ARID4B: variants seen among roughly 807,000 people sequenced by gnomAD.
ARID4B encodes AT-rich interaction domain 4B.
In ARID4B, 26 loss-of-function variants were observed where a neutral mutation model predicts 147.5. That is an observed-to-expected ratio of 0.18 (90% CI 0.13 to 0.24). The LOEUF is 0.24. ARID4B is among the 10% of genes least tolerant of loss of function. ARID4B has a pLI of 1.00. For synonymous variants in ARID4B, 512 were observed against 507.9 expected (o/e 1.01, Z -0.11); for missense variants, 1,179 against 1,511.5 (o/e 0.78, Z 3.65).
Position 235,321,473 on chromosome 1 carries a change from T to C in ARID4B, c.6+5441A>G, listed in dbSNP as rs113051218. On this transcript the variant is annotated intron_variant, in intron 2 of 23. Coordinates refer to ENST00000264183, the MANE Select transcript of ARID4B (RefSeq NM_016374.6). The stretch of plus-strand genomic sequence containing the variant: ...TAATTTCCTAAGAAAAAAACCTCCA[T>C]CTTCTTCCTACCCCAGGATGAGTTA... 5.5e-3 allele frequency among the ~76,000 whole-genome samples: 836 copies of C among 152,104 alleles called. 12 individuals carry two copies. The highest frequency in any genetic ancestry group is 0.019 in the African/African-American group (800 of 41,524).
chr1:235,271,968 A>AAAT (rs10666218), intron 2 of ARID4B, among the ~76,000 whole-genome samples: 15 of 150,368 alleles, frequency 1.0e-4, no homozygotes, highest in African/African-American at 1.7e-4. Flanking sequence ...TAATAATAAT[A>AAAT]AATAATAATA....
At chr1:235,243,784 G>C (rs1669134569) in intron 7 of ARID4B, among the ~76,000 whole-genome samples, 1 of 152,106 alleles carries the variant, frequency 6.6e-6, no homozygotes, top group Non-Finnish European at 1.5e-5. Context: ...TGTTCTATTA[G>C]TATCTGGAAG....
At chr1:235,206,064 C>A (rs553485541) in intron 17 of ARID4B, among the ~76,000 whole-genome samples, 6 of 152,260 alleles carry the variant, frequency 3.9e-5, no homozygotes, top group Admixed American at 3.3e-4. Flanking sequence ...CTTTAAAAAA[C>A]CAGTGGCTTT....
At chr1:235,217,308 C>G (rs1364484545) in intron 16 of ARID4B, among the ~76,000 whole-genome samples, 1 of 152,014 alleles carries the variant, frequency 6.6e-6, no homozygotes, top group Non-Finnish European at 1.5e-5. Flanking sequence ...TGTGCTAAAC[C>G]AGATGGAACA....
intron 1 of ARID4B, chr1:235,327,510 G>A (rs1675396543): frequency 1.3e-5 from 2 of 152,224 alleles, no homozygotes; most frequent in African/African-American, 2.4e-5. Context: ...TGAGGGCCGA[G>A]GGCCCCGGAG....
intron 2 of ARID4B, among the ~76,000 whole-genome samples, chr1:235,273,294 T>C (rs1671107608): frequency 6.6e-6 from 1 of 152,294 alleles, no homozygotes; most frequent in South Asian, 2.1e-4. Flanking sequence ...TCCGCCAGCC[T>C]TGGCCTCCCA....
chr1:235,308,918 G>A (rs547141187), intron 2 of ARID4B, among the ~76,000 whole-genome samples: 11 of 152,016 alleles, frequency 7.2e-5, no homozygotes, highest in South Asian at 2.1e-4. Flanking sequence ...AGTGAGGAGC[G>A]TCTCTGCCTG....
chr1:235,301,713 CTAAT>C (rs1402815968), intron 2 of ARID4B, among the ~76,000 whole-genome samples: 3 of 146,656 alleles, frequency 2.0e-5, no homozygotes, highest in Admixed American at 6.8e-5. Flanking sequence ...CCTTGCCTAA[CTAAT>C]TCTTTTTTTT....
Position 235,264,569 on chromosome 1 carries a change from CCTCT to C in ARID4B, c.7-3821_7-3818del, listed in dbSNP as rs376320344. 9.2e-5 allele frequency among the ~76,000 whole-genome samples: 14 copies of C among 152,288 alleles called. No individual in the cohort carries two copies. The East Asian group carries it at 1.7e-3, about 19-fold the overall frequency. The stretch of plus-strand genomic sequence containing the variant: ...TTTTTGTAGGCTACTGAACCTCTCA[CCTCT>C]CTAAGCTTCAGCTGCCACATCAAAA... On this transcript the variant is annotated intron_variant, in intron 2 of 23. Transcript: ENST00000264183.
intron 17 of ARID4B, among the ~76,000 whole-genome samples, chr1:235,210,044 A>T (rs1482519211): frequency 6.6e-6 from 1 of 152,064 alleles, no homozygotes; most frequent in South Asian, 2.1e-4. Flanking sequence ...CTTGGGCAAC[A>T]TAGTGAGACC....
intron 5 of ARID4B, 56 bp from the exon 6 acceptor site, chr1:235,252,865 G>A: frequency 7.0e-7 from 1 of 1,431,914 alleles, no homozygotes; most frequent in South Asian, 1.2e-5. Flanking sequence ...AGATCAAAGA[G>A]ATGACATGTA....
intron 19 of ARID4B, among the ~76,000 whole-genome samples, chr1:235,184,661 T>C (rs747346207): frequency 2.0e-5 from 3 of 152,232 alleles, no homozygotes; most frequent in Non-Finnish European, 4.4e-5. Context: ...CCACATTTTT[T>C]AAATTATCAA....
rs193008642 is a variant in ARID4B, at chr1:235,252,661, A to C, written c.354+69T>G. On this transcript the variant is annotated intron_variant, in intron 6 of 23. Transcript: ENST00000264183. ...ATTAGGAAGTAGGTTTACTGAGTTG[A>C]GAAAGCAAAAATTTATTCCTCCCAA... 818 of 1,430,758 alleles carry C rather than the reference A, an allele frequency of 5.7e-4. 7 individuals carry two copies. The highest frequency in any genetic ancestry group is 7.8e-5 in the Non-Finnish European group (80 of 1,030,570). 88.6% of individuals were successfully genotyped at this position (1,430,758 alleles called of 1,614,324 possible).
intron 17 of ARID4B, among the ~76,000 whole-genome samples, chr1:235,203,764 T>C (rs1369727284): frequency 6.6e-6 from 1 of 152,068 alleles, no homozygotes; most frequent in African/African-American, 2.4e-5. Context: ...TTTCCCCACC[T>C]GAATTAAATA....
At chr1:235,217,345 A>G (rs985302494) in intron 16 of ARID4B, among the ~76,000 whole-genome samples, 2 of 152,192 alleles carry the variant, frequency 1.3e-5, no homozygotes, top group Non-Finnish European at 2.9e-5. Flanking sequence ...AGAGCCTCTG[A>G]AAGTATAAAA....
At chr1:235,254,096 A>C (rs988844144) in intron 5 of ARID4B, among the ~76,000 whole-genome samples, 5 of 152,196 alleles carry the variant, frequency 3.3e-5, no homozygotes, top group African/African-American at 1.2e-4. Context: ...ATTACAACCA[A>C]TCACCATCTA....
At chr1:235,258,669 T>C (rs1670126347) in intron 3 of ARID4B, among the ~76,000 whole-genome samples, 1 of 152,210 alleles carries the variant, frequency 6.6e-6, no homozygotes. Flanking sequence ...GTGATAATTA[T>C]TTTAGGTAAC....
At chr1:235,262,696 A>G (rs1055466411) in intron 2 of ARID4B, among the ~76,000 whole-genome samples, 2 of 152,190 alleles carry the variant, frequency 1.3e-5, no homozygotes, top group South Asian at 2.1e-4. Context: ...ATGGCCACGC[A>G]TTGTGGCTCA....
chr1:235,193,253 C>T (rs945869696), intron 19 of ARID4B, among the ~76,000 whole-genome samples: 4 of 152,100 alleles, frequency 2.6e-5, no homozygotes, highest in South Asian at 4.1e-4. Flanking sequence ...AAATATTAGC[C>T]GGGCATGGTG....
Sources: gnomAD v4.1 joint callset for allele counts (sites outside exome capture counted in the v4.1 genomes callset) on GRCh38, gnomAD v4.1.1 for gene constraint, MANE v1.5 for transcripts, NCBI Gene and HGNC (gene_info 2026-07-23, HGNC 2026-07-21) for gene names.